The following CASD1 variants were observed in gnomAD, a reference collection of about 807,000 sequenced individuals.
The protein encoded by CASD1 is CAS1 domain sialic acid O acetyltransferase 1.
CASD1 carries 41 observed loss-of-function variants against 100.0 expected under a neutral mutation model. That is an observed-to-expected ratio of 0.41 (90% CI 0.32 to 0.53). The LOEUF is 0.53. CASD1 is among the 20% of genes least tolerant of loss of function. The pLI is 0.25. For missense variants in CASD1, 774 were observed against 948.7 expected (o/e 0.82, Z 2.42); for synonymous variants, 321 against 315.6 (o/e 1.02, Z -0.18).
the CASD1 span, chr7:94,618,648 T>C: frequency 1.2e-6 from 1 of 863,176 alleles, no homozygotes; most frequent in Non-Finnish European, 1.8e-6. Context: ...AATATCTATT[T>C]CTTATTAAAA....
chr7:94,613,289 C>G, the CASD1 span, among the ~76,000 whole-genome samples: 2 of 152,138 alleles, frequency 1.3e-5, no homozygotes, highest in African/African-American at 4.8e-5. Flanking sequence ...ATAATAATAA[C>G]TATGCTACAC....
At chr7:94,587,287 T>C in the CASD1 span, 1 of 989,894 alleles carries the variant, frequency 1.0e-6, no homozygotes. Flanking sequence ...TAATATCATC[T>C]ACTCAAGTTT....
At chr7:94,539,844 T>G (rs542444257) in intron 10 of CASD1, among the ~76,000 whole-genome samples, 1 of 152,246 alleles carries the variant, frequency 6.6e-6, no homozygotes, top group South Asian at 2.1e-4. Flanking sequence ...TTTAAAAAAC[T>G]TCCAACTCTC....
rs780206199 is a variant in CASD1, at chr7:94,551,457, T to C, written c.1935T>C (p.Phe645=). The change falls in exon 15 of 18, where the codon TTT becomes TTC. Residue 645 remains phenylalanine (F), a synonymous_variant. Transcript: ENST00000297273. The part of the protein sequence containing the change: ...FSNKISNFLL[F]ISVVSFLTYS... The stretch of plus-strand genomic sequence containing the variant: ...ACAAAATTTCAAATTTTCTGTTGTT[T>C]ATTTCAGTAGTTTCTTTCTTGGTAA... 6.7e-7 allele frequency: 1 copy of C among 1,502,962 alleles called. No individual in the cohort carries two copies. Among genetic ancestry groups the C allele is most frequent in the African/African-American group, 1.4e-5 (1 of 69,502 alleles). The allele number at this position is 1,502,962 out of a possible 1,614,324, so 93.1% of individuals were successfully genotyped here.
the CASD1 span, among the ~76,000 whole-genome samples, chr7:94,573,697 T>C: frequency 2.0e-5 from 3 of 152,192 alleles, no homozygotes; most frequent in Non-Finnish European, 4.4e-5. Context: ...GATATCCACT[T>C]TTCCTGTTTG....
chr7:94,616,959 G>A, the CASD1 span: 1 of 152,186 alleles, frequency 6.6e-6, no homozygotes, highest in Non-Finnish European at 1.5e-5. Flanking sequence ...TGAGACAAGA[G>A]TCCAAATAAA....
intron 1 of CASD1, among the ~76,000 whole-genome samples, chr7:94,512,282 A>G (rs956060022): frequency 6.6e-6 from 1 of 152,234 alleles, no homozygotes; most frequent in African/African-American, 2.4e-5. Flanking sequence ...AAAATCTCGT[A>G]TCATTTAAAG....
At chr7:94,599,924 T>A in the CASD1 span, 1 of 419,658 alleles carries the variant, frequency 2.4e-6, no homozygotes, top group African/African-American at 2.0e-5. Flanking sequence ...GAGAAACACA[T>A]AGAAAAATGA....
rs757941006 is a variant in CASD1 at position 94,510,135 on chromosome 7, C to T, written c.51C>T (p.Phe17=). The T allele has an allele frequency of 2.0e-6, 3 of 1,529,904 alleles. No individual in the cohort carries two copies. The South Asian group carries it at 3.7e-5, about 19-fold the overall frequency. 94.8% of individuals were successfully genotyped at this position (1,529,904 alleles called of 1,614,324 possible). A position where few individuals can be genotyped will look rare whatever the true frequency, so the allele number is the denominator to read the frequency against. The part of the protein sequence containing the change: ...NLGKREINHY[F]SVRSAKVLAL... ...GCAAGCGGGAGATCAACCACTACTT[C>T]AGCGTGAGGAGCGCCAAGGTGCTGG... is the stretch of plus-strand genomic sequence containing the variant. The change falls in exon 1 of 18, where the codon TTC becomes TTT. Residue 17 remains phenylalanine, a synonymous_variant. Coordinates refer to ENST00000297273, the MANE Select transcript of CASD1 (RefSeq NM_022900.5).
At chr7:94,533,145 T>A in intron 5 of CASD1, 60 bp from the exon 6 acceptor site, 1 of 1,184,642 alleles carries the variant, frequency 8.4e-7, no homozygotes, top group Non-Finnish European at 1.2e-6. Context: ...TAAATGATGT[T>A]ACTTGTAGTA....
rs1391216062 is a variant in CASD1 at position 94,554,551 on chromosome 7, T to C, written c.2103T>C (p.Ala701=). 2 of 1,611,634 alleles carry C rather than the reference T, an allele frequency of 1.2e-6. No individual in the cohort carries two copies. The highest frequency in any genetic ancestry group is 2.2e-5 in the East Asian group (1 of 44,758). ...YARSVYSSFF[A]WFGKISLELF... ...GTTCAGTTTACAGTTCATTTTTTGC[T>C]TGGTTTGGAAAAATTTCATTAGAGG... The change falls in exon 17 of 18, where the codon GCT becomes GCC. Residue 701 remains alanine, a synonymous_variant. Transcript: ENST00000297273.
intron 17 of CASD1, among the ~76,000 whole-genome samples, chr7:94,555,063 G>T (rs1796139007): frequency 6.6e-6 from 1 of 152,042 alleles, no homozygotes; most frequent in Admixed American, 6.6e-5. Context: ...TACATAATAT[G>T]AAATTATCTA....
At chr7:94,532,016 G>A (rs1175186046) in intron 5 of CASD1, among the ~76,000 whole-genome samples, 1 of 152,032 alleles carries the variant, frequency 6.6e-6, no homozygotes, top group Non-Finnish European at 1.5e-5. Flanking sequence ...AAAGTGTTTA[G>A]TAAGTTACTA....
At position 94,518,335 on chromosome 7, in the gene CASD1, C is replaced by T. The variant is rs1205786187; in HGVS notation, c.351+12C>T. 2 of 1,560,838 alleles carry T rather than the reference C, an allele frequency of 1.3e-6. No homozygotes were observed. Among genetic ancestry groups the T allele is most frequent in the Non-Finnish European group, 1.7e-6 (2 of 1,150,240 alleles). On this transcript the variant is annotated intron_variant, in intron 3 of 17. Transcript: ENST00000297273. ...AAGAAGGAAATAAGGTAAAACTTGTCTATTCCCTTCTGTAGAGTGTTTTAG... is the reference window on the plus strand; with the variant it reads ...AAGAAGGAAATAAGGTAAAACTTGTTTATTCCCTTCTGTAGAGTGTTTTAG...
the CASD1 span, among the ~76,000 whole-genome samples, chr7:94,569,902 C>T: frequency 6.6e-6 from 1 of 150,604 alleles, no homozygotes; most frequent in Admixed American, 6.6e-5. Flanking sequence ...CAAGCTCTGC[C>T]TCCCGGGTTC....
chr7:94,558,107 T>G (rs1391045122), downstream of CASD1, among the ~76,000 whole-genome samples: 1 of 152,182 alleles, frequency 6.6e-6, no homozygotes, highest in African/African-American at 2.4e-5. Flanking sequence ...GAATTCTACC[T>G]CAATCGTTCC....
the CASD1 span, chr7:94,589,804 C>A: frequency 1.1e-5 from 2 of 186,096 alleles, no homozygotes; most frequent in East Asian, 1.6e-4. Context: ...AGGGCTCCCA[C>A]TGATTCTACA....
the CASD1 span, among the ~76,000 whole-genome samples, chr7:94,606,102 T>A: frequency 6.6e-6 from 1 of 152,148 alleles, no homozygotes; most frequent in Non-Finnish European, 1.5e-5. Context: ...GTGCTGGGAT[T>A]ACAGGCGTGA....
the CASD1 span, among the ~76,000 whole-genome samples, chr7:94,591,470 C>T: frequency 4.6e-5 from 7 of 152,206 alleles, no homozygotes; most frequent in East Asian, 1.3e-3. Flanking sequence ...CACATTCTGA[C>T]AAAATACAAA....
Sources: allele counts gnomAD v4.1 joint callset (sites outside exome capture counted in the v4.1 genomes callset), GRCh38; gene constraint gnomAD v4.1.1; transcripts MANE v1.5; gene names NCBI Gene and HGNC (gene_info 2026-07-23, HGNC 2026-07-21).